The following BICC1 variants were observed in gnomAD, a reference collection of about 807,000 sequenced individuals.
BICC1 encodes BicC family RNA binding protein 1, also known as protein bicaudal C homolog 1.
A neutral mutation model predicts 111.0 loss-of-function variants in BICC1; 43 were observed. The observed-to-expected ratio is 0.39, with a 90% CI of 0.30 to 0.50. BICC1 has a LOEUF of 0.50. BICC1 is among the 20% of genes least tolerant of loss of function. BICC1 has a pLI of 0.88. For missense variants in BICC1, 1,091 were observed against 1,203.2 expected (o/e 0.91, Z 1.38); for synonymous variants, 467 against 434.4 (o/e 1.07, Z -0.93).
intron 1 of BICC1, among the ~76,000 whole-genome samples, chr10:58,619,515 G>A (rs1452097639): frequency 4.2e-5 from 6 of 142,244 alleles, no homozygotes; most frequent in East Asian, 4.1e-4. Flanking sequence ...TTACTCTGTC[G>A]CCAGGCTGGA....
intron 18 of BICC1, chr10:58,814,271 C>G: frequency 1.7e-6 from 1 of 605,148 alleles, no homozygotes. Context: ...GCTCCACAAA[C>G]CAAAGACTGT....
chr10:58,754,589 T>C (rs11006251), intron 3 of BICC1, among the ~76,000 whole-genome samples: 121,062 of 152,152 alleles, frequency 0.8, 48,539 homozygotes, highest in East Asian at 1. Flanking sequence ...TTGGCAACCT[T>C]TGCTCAGTAC....
intron 17 of BICC1, among the ~76,000 whole-genome samples, chr10:58,808,073 T>A (rs1843767142): frequency 7.6e-6 from 1 of 131,836 alleles, no homozygotes; most frequent in South Asian, 2.3e-4. Flanking sequence ...GCAAACATGC[T>A]GCTTTTTTTT....
intron 4 of BICC1, among the ~76,000 whole-genome samples, chr10:58,785,964 AATT>A (rs1377196931): frequency 6.6e-6 from 1 of 152,050 alleles, no homozygotes; most frequent in African/African-American, 2.4e-5. Flanking sequence ...CTCCCCTGAT[AATT>A]ATTAAATAGT....
chr10:58,783,400 G>A (rs1398579272), intron 3 of BICC1, among the ~76,000 whole-genome samples: 3 of 151,904 alleles, frequency 2.0e-5, no homozygotes, highest in South Asian at 2.1e-4. Flanking sequence ...TTTTTGGTGA[G>A]GGGAGTGGCA....
At chr10:58,543,922 G>C (rs1843065982) in intron 1 of BICC1, among the ~76,000 whole-genome samples, 1 of 151,318 alleles carries the variant, frequency 6.6e-6, no homozygotes, top group Admixed American at 6.6e-5. Flanking sequence ...TTATAAACAG[G>C]CATGATCTTT....
chr10:58,522,285 T>A (rs1233976314), intron 1 of BICC1, among the ~76,000 whole-genome samples: 2 of 152,084 alleles, frequency 1.3e-5, no homozygotes, highest in East Asian at 3.9e-4. Context: ...AACACACTTT[T>A]CATTGTAGAA....
chr10:58,645,372 G>GCTC (rs1459279031), intron 2 of BICC1, among the ~76,000 whole-genome samples: 1 of 121,852 alleles, frequency 8.2e-6, no homozygotes, highest in Non-Finnish European at 1.6e-5. Context: ...GCGCCACTGC[G>GCTC]CTCCAGCCTG....
chr10:58,704,109 T>C (rs1363461700), intron 3 of BICC1, among the ~76,000 whole-genome samples: 1 of 152,212 alleles, frequency 6.6e-6, no homozygotes, highest in East Asian at 1.9e-4. Flanking sequence ...TATTGCACAT[T>C]TTGATTATAT....
At chr10:58,791,688 C>T (rs549056782) in intron 8 of BICC1, among the ~76,000 whole-genome samples, 1 of 151,948 alleles carries the variant, frequency 6.6e-6, no homozygotes, top group African/African-American at 2.4e-5. Context: ...TGCGGTGAGC[C>T]GAGATCGCGC....
Position 58,785,301 on chromosome 10 carries a change from C to A in BICC1, c.387+221C>A, listed in dbSNP as rs11006261. On this transcript the variant is annotated intron_variant, in intron 4 of 20. Coordinates refer to ENST00000373886, the MANE Select transcript of BICC1 (RefSeq NM_001080512.3). The stretch of plus-strand genomic sequence containing the variant: ...TGAACTATACATACACACACACACA[C>A]CTATATGTACCTACATCTACATACA... Among the ~76,000 whole-genome samples the A allele has an allele frequency of 0.77, 117,627 of 151,788 alleles. 46,092 individuals are homozygous for A. Among genetic ancestry groups the A allele is most frequent in the East Asian group, 1 (5,166 of 5,188 alleles).
intron 1 of BICC1, among the ~76,000 whole-genome samples, chr10:58,577,648 A>G (rs974183266): frequency 6.6e-6 from 1 of 152,166 alleles, no homozygotes; most frequent in South Asian, 2.1e-4. Context: ...GTTTTTGGCT[A>G]TATTGCAATA....
chr10:58,800,453 T>C (rs2132868933), intron 13 of BICC1, 127 bp downstream of exon 13: 2 of 859,026 alleles, frequency 2.3e-6, no homozygotes, highest in East Asian at 5.6e-5. Context: ...ACCTCAATTA[T>C]GTGGAAAGAC....
intron 1 of BICC1, among the ~76,000 whole-genome samples, chr10:58,591,124 G>A (rs1189629498): frequency 1.3e-5 from 2 of 151,974 alleles, no homozygotes; most frequent in African/African-American, 2.4e-5. Flanking sequence ...TCATGTATTT[G>A]AAGGTGCCAC....
chr10:58,700,214 G>A lies in BICC1; in HGVS notation c.238-1860G>A, dbSNP rs181543735. On this transcript the variant is annotated intron_variant, in intron 2 of 20. Coordinates refer to ENST00000373886, the MANE Select transcript of BICC1 (RefSeq NM_001080512.3). ...AGGTGGGAAAAATAATTGTGGTTGG[G>A]TTGGTGTGAGAGTAGAAAAGGATGG... Among the ~76,000 whole-genome samples the A allele has an allele frequency of 5.9e-5, 9 of 152,282 alleles. No homozygotes were observed. In the East Asian group the frequency reaches 1.2e-3, roughly 20 times the overall value.
intron 2 of BICC1, among the ~76,000 whole-genome samples, chr10:58,629,129 G>A (rs983955230): frequency 3.3e-5 from 5 of 152,330 alleles, no homozygotes; most frequent in African/African-American, 9.6e-5. Context: ...CTCAGCCACA[G>A]GGTGACAGTC....
At chr10:58,769,288 AC>A (rs1842545859) in intron 3 of BICC1, among the ~76,000 whole-genome samples, 2 of 147,028 alleles carry the variant, frequency 1.4e-5, no homozygotes, top group East Asian at 2.0e-4. Flanking sequence ...TTCTCAACAC[AC>A]ACACACACAC....
Position 58,769,404 on chromosome 10 carries a change from G to GTGTATATA in BICC1, c.308-15596_308-15595insGTATATAT, listed in dbSNP as rs1050060686. ...TGTGTGTGTGTGTGTGTGTGTGTGTGTATATATATATATATATATATAATC... is the reference window on the plus strand; with the variant it reads ...TGTGTGTGTGTGTGTGTGTGTGTGTGTGTATATATATATATATATATATATATATAATC... On this transcript the variant is annotated intron_variant, in intron 3 of 20. Transcript: ENST00000373886. 2.0e-3 allele frequency among the ~76,000 whole-genome samples: 215 copies of GTGTATATA among 109,748 alleles called. 3 individuals carry two copies. The highest frequency in any genetic ancestry group is 5.9e-3 in the African/African-American group (184 of 31,396). 72.0% of individuals were successfully genotyped at this position (109,748 alleles called of 152,430 possible). A position where few individuals can be genotyped will look rare whatever the true frequency, so the allele number is the denominator to read the frequency against.
Position 58,796,442 on chromosome 10 carries a change from C to A in BICC1, c.1282C>A (p.Pro428Thr). 1.2e-6 allele frequency: 2 copies of A among 1,614,132 alleles called. No homozygotes were observed. Among genetic ancestry groups the A allele is most frequent in the East Asian group, 2.2e-5 (1 of 44,858 alleles). Residue 428 changes from proline to threonine, a missense_variant, in exon 10 of 21, where the codon CCA becomes ACA. Physicochemically the swap from Pro to Thr is conservative, Grantham distance 38 (BLOSUM62 -1). Transcript: ENST00000373886. ...ESSGVTIATSPSPASCPAGLA... is the reference protein window; with the variant it reads ...ESSGVTIATSTSPASCPAGLA... ...CAGTGGGGTTACCATAGCAACCAGT[C>A]CATCCCCAGCATCCTGCCCTGCCGG...
Sources: allele counts gnomAD v4.1 joint callset (sites outside exome capture counted in the v4.1 genomes callset), GRCh38; gene constraint gnomAD v4.1.1; transcripts MANE v1.5; gene names NCBI Gene and HGNC (gene_info 2026-07-23, HGNC 2026-07-21).